BCR: variants seen among roughly 807,000 people sequenced by gnomAD.
The protein encoded by BCR is BCR activator of RhoGEF and GTPase.
Under a neutral mutation model 138.6 loss-of-function variants are expected in BCR, and 58 were observed. The observed-to-expected ratio is 0.42, with a 90% CI of 0.34 to 0.52. The LOEUF (loss-of-function observed/expected upper bound fraction) is 0.52. Ranked by LOEUF, BCR falls within the 20% of genes least tolerant of loss-of-function variation. BCR has a pLI of 0.06. For synonymous variants in BCR, 786 were observed against 730.1 expected, an observed-to-expected ratio of 1.08 and a Z score of -1.23; for missense variants, 1,599 against 1,727.2, an observed-to-expected ratio of 0.93 and a Z score of 1.32.
rs1412006653 is a variant in BCR, at chr22:23,261,382, A to G, written c.1594A>G (p.Thr532Ala). ...CATGAAGCCTTTGAAAGCCGCTGCCACCACCTCTCAGCCGGTGCTGACGAG... is the reference window on the plus strand; with the variant it reads ...CATGAAGCCTTTGAAAGCCGCTGCCGCCACCTCTCAGCCGGTGCTGACGAG... ...LPMKPLKAAA[T>A]TSQPVLTSQQ... is the part of the protein sequence containing the mutation. Residue 532 changes from threonine (T) to alanine (A), a missense_variant, in exon 4 of 23, where the codon ACC becomes GCC. This residue lies in a region of BCR where 590 missense variants were observed against 762.4 expected (regional missense o/e 0.77). Coordinates refer to ENST00000305877, the MANE Select transcript of BCR (RefSeq NM_004327.4). 4 of 1,613,132 alleles carry G rather than the reference A, an allele frequency of 2.5e-6. No individual in the cohort carries two copies. The highest frequency in any genetic ancestry group is 1.7e-5 in the Admixed American group (1 of 59,976).
intron 1 of BCR, among the ~76,000 whole-genome samples, chr22:23,224,200 G>C (rs2072862393): frequency 1.3e-5 from 2 of 152,190 alleles, no homozygotes; most frequent in African/African-American, 4.8e-5. Context: ...GGGCTCTCCT[G>C]TCCCAAGTGG....
At chr22:23,278,939 T>C (rs1227920818) in intron 8 of BCR, among the ~76,000 whole-genome samples, 4 of 152,168 alleles carry the variant, frequency 2.6e-5, no homozygotes, top group African/African-American at 9.7e-5. Flanking sequence ...TTCATAAACA[T>C]TGGCAAACAA....
intron 1 of BCR, among the ~76,000 whole-genome samples, chr22:23,190,139 C>T (rs555399013): frequency 6.6e-6 from 1 of 152,204 alleles, no homozygotes; most frequent in East Asian, 1.9e-4. Context: ...GCATGAACTC[C>T]CCTGGCATCT....
chr22:23,210,876 CCTTT>C (rs1265263034), intron 1 of BCR, among the ~76,000 whole-genome samples: 1 of 152,136 alleles, frequency 6.6e-6, no homozygotes, highest in African/African-American at 2.4e-5. Context: ...CTGTTCTTCC[CCTTT>C]CTATCCCACT....
chr22:23,233,776 C>A (rs550183549), intron 1 of BCR, among the ~76,000 whole-genome samples: 1 of 136,256 alleles, frequency 7.3e-6, no homozygotes, highest in East Asian at 2.1e-4. Flanking sequence ...GGTGACAGAG[C>A]GAGACCCTGT....
chr22:23,303,075 T>C (rs2073920447), intron 16 of BCR, among the ~76,000 whole-genome samples: 1 of 150,630 alleles, frequency 6.6e-6, no homozygotes, highest in Non-Finnish European at 1.5e-5. Flanking sequence ...AGTGCCTGGC[T>C]CAGCAATTTC....
At chr22:23,256,582 G>C (rs1031850766) in intron 2 of BCR, among the ~76,000 whole-genome samples, 1 of 152,188 alleles carries the variant, frequency 6.6e-6, no homozygotes, top group Non-Finnish European at 1.5e-5. Flanking sequence ...CAGAGCAAGA[G>C]GGTCCTTTCT....
At chr22:23,280,520 C>T (rs989441956) in intron 8 of BCR, among the ~76,000 whole-genome samples, 1 of 152,204 alleles carries the variant, frequency 6.6e-6, no homozygotes, top group African/African-American at 2.4e-5. Flanking sequence ...GTGACAGCCC[C>T]GTGTGAGGCC....
intron 6 of BCR, 36 bp from the exon 7 acceptor site, chr22:23,273,045 T>C (rs1568966826): frequency 1.9e-6 from 3 of 1,607,570 alleles, no homozygotes; most frequent in Non-Finnish European, 2.6e-6. Context: ...TGCTTCTCCA[T>C]GTGCAACCTC....
intron 1 of BCR, among the ~76,000 whole-genome samples, chr22:23,206,961 C>T (rs2072623250): frequency 6.9e-6 from 1 of 145,172 alleles, no homozygotes; most frequent in Non-Finnish European, 1.5e-5. Context: ...CTCCCTCCCT[C>T]CCTCCCTCCC....
At chr22:23,253,182 G>A (rs1413917592) in intron 1 of BCR, among the ~76,000 whole-genome samples, 3 of 152,212 alleles carry the variant, frequency 2.0e-5, no homozygotes, top group African/African-American at 7.2e-5. Context: ...AAGGGGTGCA[G>A]AGCTTCCATG....
intron 8 of BCR, chr22:23,283,309 C>T (rs1026033868): frequency 9.2e-5 from 14 of 152,300 alleles, no homozygotes; most frequent in African/African-American, 3.4e-4. Flanking sequence ...CCTATCCATC[C>T]TGTCTAGTTG....
chr22:23,297,513 G>A (rs1372126489), intron 16 of BCR, among the ~76,000 whole-genome samples: 4 of 152,066 alleles, frequency 2.6e-5, no homozygotes, highest in Non-Finnish European at 4.4e-5. Flanking sequence ...AGACTGCAAA[G>A]CCAGTCGTGC....
chr22:23,222,154 G>A (rs2072831975), intron 1 of BCR, among the ~76,000 whole-genome samples: 1 of 152,044 alleles, frequency 6.6e-6, no homozygotes, highest in Admixed American at 6.6e-5. Flanking sequence ...CACTCCTCTT[G>A]GTCTCCCTGT....
chr22:23,274,296 C>T (rs1371163929), intron 8 of BCR, among the ~76,000 whole-genome samples: 4 of 152,242 alleles, frequency 2.6e-5, no homozygotes, highest in Admixed American at 2.6e-4. Flanking sequence ...GACTCTCCTT[C>T]CCCTTCCCCC....
At chr22:23,239,135 A>C (rs1304244083) in intron 1 of BCR, among the ~76,000 whole-genome samples, 1 of 151,976 alleles carries the variant, frequency 6.6e-6, no homozygotes, top group African/African-American at 2.4e-5. Flanking sequence ...GTCAGCTTGG[A>C]TGAGGGGAGG....
At position 23,181,418 on chromosome 22, in the gene BCR, C is replaced by T; in HGVS notation, c.458C>T (p.Ala153Val). The change falls in exon 1 of 23, where the codon GCG (alanine) becomes GTG (valine). Residue 153 changes from alanine (A) to valine (V), a missense_variant. This residue lies in a region of BCR where 806 missense variants were observed against 635.0 expected (regional missense o/e 1.27). Transcript: ENST00000305877. Reference protein sequence around the residue: ...DDRGPPASVAALRSNFERIRK... With the variant: ...DDRGPPASVAVLRSNFERIRK... Reference sequence around the variant, plus strand: ...CGGGGACCCCCCGCCAGCGTGGCGGCGCTCAGGTCCAACTTCGAGCGGATC... The same window carrying T: ...CGGGGACCCCCCGCCAGCGTGGCGGTGCTCAGGTCCAACTTCGAGCGGATC... 6.3e-7 allele frequency: 1 copy of T among 1,577,816 alleles called. No homozygotes were observed. Among genetic ancestry groups the T allele is most frequent in the East Asian group, 2.3e-5 (1 of 44,108 alleles).
chr22:23,304,880 C>T (rs1354945356), intron 16 of BCR, among the ~76,000 whole-genome samples: 1 of 152,090 alleles, frequency 6.6e-6, no homozygotes, highest in African/African-American at 2.4e-5. Context: ...TTTAGGAGGC[C>T]AAGTTGGGTG....
At chr22:23,182,305 G>C in intron 1 of BCR, 66 bp downstream of exon 1, 1 of 1,445,060 alleles carries the variant, frequency 6.9e-7, no homozygotes. Context: ...GACGAGTAGG[G>C]GATACAAAAC....
Sources: allele counts gnomAD v4.1 joint callset (sites outside exome capture counted in the v4.1 genomes callset), GRCh38; gene constraint gnomAD v4.1.1; regional missense constraint gnomAD v4.1.1; transcripts MANE v1.5; gene names NCBI Gene and HGNC (gene_info 2026-07-23, HGNC 2026-07-21).